The following ACACA variants were observed in gnomAD, a reference collection of about 807,000 sequenced individuals.
ACACA encodes the protein acetyl-CoA carboxylase 1.
Under a neutral mutation model 296.1 loss-of-function variants are expected in ACACA, and 103 were observed. The observed-to-expected ratio is 0.35, with a 90% CI of 0.30 to 0.41. The LOEUF (loss-of-function observed/expected upper bound fraction) is 0.41. Among genes scored for constraint, ACACA ranks in the 10% least tolerant of loss-of-function variants. The probability of loss-of-function intolerance (pLI) is 1.00; values close to 1 mark genes in which losing one functional copy is unlikely to be tolerated. For synonymous variants in ACACA, 953 were observed against 1,038.6 expected, an observed-to-expected ratio of 0.92 and a Z score of 1.58; for missense variants, 1,554 against 2,989.7, an observed-to-expected ratio of 0.52 and a Z score of 11.20.
chr17:37,167,907 T>A lies in ACACA; in HGVS notation c.5080-5857A>T, dbSNP rs947378556. Among the ~76,000 whole-genome samples, 3 of 152,152 alleles carry A rather than the reference T, an allele frequency of 2.0e-5. No homozygotes were observed. The East Asian group carries it at 5.8e-4, about 29-fold the overall frequency. ...GAGGGAAGTAAATTGGATAGCAAGA[T>A]CACTGTTAGTGTTCTGTACAGCCTT... On this transcript the variant is annotated intron_variant, in intron 41 of 55. Transcript: ENST00000616317.
intron 1 of ACACA, among the ~76,000 whole-genome samples, chr17:37,372,273 C>G (rs1267311153): frequency 6.6e-6 from 1 of 151,882 alleles, no homozygotes; most frequent in Non-Finnish European, 1.5e-5. Flanking sequence ...ATTAGCCAAG[C>G]GTGGTGGCGG....
chr17:37,142,899 C>T (rs914989808), intron 45 of ACACA, among the ~76,000 whole-genome samples: 1 of 152,170 alleles, frequency 6.6e-6, no homozygotes, highest in Non-Finnish European at 1.5e-5. Context: ...TTCAAAGAAT[C>T]AGAAAGTATA....
intron 52 of ACACA, 150 bp from the exon 53 acceptor site, chr17:37,098,134 A>G: frequency 1.0e-6 from 1 of 969,340 alleles, no homozygotes; most frequent in Non-Finnish European, 1.6e-6. Context: ...CTCTTTGCTG[A>G]TTAACAGGGC....
intron 3 of ACACA, among the ~76,000 whole-genome samples, chr17:37,318,336 G>C (rs973560006): frequency 6.6e-6 from 1 of 152,106 alleles, no homozygotes; most frequent in Non-Finnish European, 1.5e-5. Context: ...TCCACCTCCC[G>C]GGTTCAAGCA....
Position 37,159,347 on chromosome 17 carries a change from G to A in ACACA, c.5349+2434C>T, listed in dbSNP as rs549367284. Among the ~76,000 whole-genome samples, 14 of 151,862 alleles carry A rather than the reference G, an allele frequency of 9.2e-5. 1 individual carries two copies. Among genetic ancestry groups the A allele is most frequent in the African/African-American group, 3.1e-4 (13 of 41,364 alleles). ...CAATTCTCATGCCTCTCTACCTCCC[G>A]AATAGCTGGGATTACAGACGTGTGC... On this transcript the variant is annotated intron_variant, in intron 42 of 55. Coordinates refer to ENST00000616317, the MANE Select transcript of ACACA (RefSeq NM_198834.3).
At chr17:37,150,327 A>G (rs2075984560) in intron 44 of ACACA, among the ~76,000 whole-genome samples, 1 of 152,116 alleles carries the variant, frequency 6.6e-6, no homozygotes, top group African/African-American at 2.4e-5. Flanking sequence ...GAATTACTTG[A>G]GGTCAGGAGT....
chr17:37,244,825 G>T, intron 20 of ACACA, 91 bp from the exon 21 acceptor site: 1 of 1,554,626 alleles, frequency 6.4e-7, no homozygotes, highest in South Asian at 1.1e-5. Context: ...ATTCAAAATC[G>T]AGACATCATA....
chr17:37,223,593 G>A lies in ACACA; in HGVS notation c.3483C>T (p.Ile1161=), dbSNP rs143037161. The change falls in exon 28 of 56, where the codon ATC becomes ATT. Residue 1161 remains isoleucine, a synonymous_variant. Coordinates refer to ENST00000616317, the MANE Select transcript of ACACA (RefSeq NM_198834.3). ...CATCAAAAATAGATGTTTCTGATAG[G>A]ATGAGTTTCTAGAAGATACAAAGAC... is the stretch of plus-strand genomic sequence containing the variant. ...QFCIENLQKL[I]LSETSIFDVL... 8.5e-5 allele frequency: 137 copies of A among 1,603,848 alleles called. No homozygotes were observed. The African/African-American group carries it at 1.5e-3, about 18-fold the overall frequency.
intron 41 of ACACA, among the ~76,000 whole-genome samples, chr17:37,165,387 T>G (rs2144541050): frequency 6.6e-6 from 1 of 152,302 alleles, no homozygotes; most frequent in East Asian, 1.9e-4. Flanking sequence ...ATTAACTAAC[T>G]GTGTGATCTT....
chr17:37,140,425 ATCT>A (rs2075519850), intron 45 of ACACA, among the ~76,000 whole-genome samples: 1 of 152,070 alleles, frequency 6.6e-6, no homozygotes, highest in African/African-American at 2.4e-5. Context: ...CCCACCTCCT[ATCT>A]ATTCACTCCC....
At chr17:37,149,833 T>C (rs768678298) in intron 45 of ACACA, 31 bp downstream of exon 45, 37 of 1,557,514 alleles carry the variant, frequency 2.4e-5, no homozygotes, top group Non-Finnish European at 3.2e-5. Flanking sequence ...CAATCAGCTA[T>C]GCATACTTCT....
In ACACA at chr17:37,236,264, G is replaced by A. The variant is rs534773923; in HGVS notation, c.3122-1165C>T. Among the ~76,000 whole-genome samples, 21 of 152,204 alleles carry A rather than the reference G, an allele frequency of 1.4e-4. No individual in the cohort carries two copies. In the South Asian group the frequency reaches 3.3e-3, roughly 24 times the overall value. On this transcript the variant is annotated intron_variant, in intron 24 of 55. Transcript: ENST00000616317. ...TTGAAAAACAATGGACTACAATATC[G>A]AGAGAGCTGCCAATTTCATAAAAGA...
At chr17:37,361,303 C>T (rs938414253) in intron 1 of ACACA, among the ~76,000 whole-genome samples, 2 of 151,946 alleles carry the variant, frequency 1.3e-5, no homozygotes, top group East Asian at 3.9e-4. Context: ...TCCCAAAGTG[C>T]TGGCCGCAAA....
rs932691843 is a variant in ACACA at position 37,221,655 on chromosome 17, A to T, written c.3683+69T>A. On this transcript the variant is annotated intron_variant, in intron 29 of 55. Transcript: ENST00000616317. Reference sequence around the variant, plus strand: ...CTAAAAAAACATGGAATTGTCATACACATTACTCCCCTTGATTCTCATGGT... The same window carrying T: ...CTAAAAAAACATGGAATTGTCATACTCATTACTCCCCTTGATTCTCATGGT... 5 of 1,234,958 alleles carry T rather than the reference A, an allele frequency of 4.0e-6. No homozygotes were observed. The African/African-American group carries it at 7.4e-5, about 18-fold the overall frequency. 76.5% of individuals were successfully genotyped at this position (1,234,958 alleles called of 1,614,324 possible).
At chr17:37,267,717 T>G (rs1030783194) in intron 10 of ACACA, among the ~76,000 whole-genome samples, 5 of 152,094 alleles carry the variant, frequency 3.3e-5, no homozygotes, top group African/African-American at 1.2e-4. Context: ...CAACTGCATC[T>G]AATATGCTAT....
chr17:37,344,680 G>A (rs1194597940), intron 1 of ACACA, among the ~76,000 whole-genome samples: 2 of 152,150 alleles, frequency 1.3e-5, no homozygotes, highest in Non-Finnish European at 2.9e-5. Flanking sequence ...GCAGACAGAA[G>A]AGCAATAAAT....
intron 1 of ACACA, among the ~76,000 whole-genome samples, chr17:37,404,819 C>A (rs1222688574): frequency 6.6e-6 from 1 of 152,062 alleles, no homozygotes; most frequent in East Asian, 1.9e-4. Flanking sequence ...CTCAAGTGAT[C>A]CGCCTGCCTC....
chr17:37,099,344 T>C (rs9901601), intron 52 of ACACA, among the ~76,000 whole-genome samples: 50,308 of 152,082 alleles, frequency 0.33, 11,558 homozygotes, highest in African/African-American at 0.64. Context: ...GGCGCCTCAG[T>C]AGTGTTCCTT....
chr17:37,314,634 C>CTTT (rs57554348), intron 3 of ACACA, among the ~76,000 whole-genome samples: 92 of 109,992 alleles, frequency 8.4e-4, no homozygotes, highest in African/African-American at 1.8e-3. Flanking sequence ...GGAATCCACA[C>CTTT]TTTTTTTTTT....
Sources: gnomAD v4.1 joint callset for allele counts (sites outside exome capture counted in the v4.1 genomes callset) on GRCh38, gnomAD v4.1.1 for gene constraint, MANE v1.5 for transcripts, NCBI Gene and HGNC (gene_info 2026-07-23, HGNC 2026-07-21) for gene names.